ANKS1B: variants seen among roughly 807,000 people sequenced by gnomAD.
The protein encoded by ANKS1B is ankyrin repeat and sterile alpha motif domain-containing protein 1B.
Under a neutral mutation model 148.3 loss-of-function variants are expected in ANKS1B, and 36 were observed. The observed-to-expected ratio is 0.24, with a 90% CI of 0.19 to 0.32. The LOEUF is 0.32. Ranked by LOEUF, ANKS1B falls within the 10% of genes least tolerant of loss-of-function variation. ANKS1B has a pLI of 1.00. For synonymous variants in ANKS1B, 542 were observed against 560.8 expected, an observed-to-expected ratio of 0.97 and a Z score of 0.47; for missense variants, 1,157 against 1,542.6, an observed-to-expected ratio of 0.75 and a Z score of 4.19.
intron 8 of ANKS1B, among the ~76,000 whole-genome samples, chr12:99,771,094 G>C (rs1320926259): frequency 6.6e-6 from 1 of 152,040 alleles, no homozygotes; most frequent in African/African-American, 2.4e-5. Flanking sequence ...CTTCCTGAAA[G>C]ATAGAAGCTT....
intron 1 of ANKS1B, among the ~76,000 whole-genome samples, chr12:99,951,774 T>C (rs1208533977): frequency 6.6e-6 from 1 of 151,822 alleles, no homozygotes; most frequent in African/African-American, 2.4e-5. Flanking sequence ...GTCCCAACTA[T>C]AACTCAGGAG....
chr12:99,980,430 A>T lies in ANKS1B; in HGVS notation c.134+3674T>A, dbSNP rs565994756. ...GGCATCTTATCATTCCAGACTTCTT[A>T]AGCACATTATAAGTGTTCAAACAAA... On this transcript the variant is annotated intron_variant, in intron 1 of 26. Transcript: ENST00000683438. Among the ~76,000 whole-genome samples, 28 of 152,146 alleles carry T rather than the reference A, an allele frequency of 1.8e-4. No individual in the cohort carries two copies. In the East Asian group the frequency reaches 5.0e-3, roughly 27 times the overall value.
chr12:99,027,320 C>T (rs188943153), intron 17 of ANKS1B, among the ~76,000 whole-genome samples: 2 of 152,252 alleles, frequency 1.3e-5, no homozygotes, highest in East Asian at 3.9e-4. Flanking sequence ...TTTAAGCACA[C>T]AGTAAAAAAC....
chr12:99,446,580 G>T (rs957238906), intron 10 of ANKS1B, among the ~76,000 whole-genome samples: 1 of 152,014 alleles, frequency 6.6e-6, no homozygotes, highest in African/African-American at 2.4e-5. Context: ...ATTTCAGACT[G>T]ATGCCATGTT....
At chr12:99,877,656 T>C (rs2092203820) in intron 1 of ANKS1B, among the ~76,000 whole-genome samples, 1 of 152,250 alleles carries the variant, frequency 6.6e-6, no homozygotes, top group Admixed American at 6.5e-5. Context: ...ATAATTATTA[T>C]CTTCTAGTTT....
At chr12:99,321,431 C>T (rs771354677) in intron 12 of ANKS1B, among the ~76,000 whole-genome samples, 3 of 152,216 alleles carry the variant, frequency 2.0e-5, no homozygotes, top group Non-Finnish European at 4.4e-5. Context: ...AGCCTCGCTG[C>T]CGCCTTGCAG....
At chr12:99,148,732 C>T (rs1314409055) in intron 15 of ANKS1B, among the ~76,000 whole-genome samples, 2 of 152,150 alleles carry the variant, frequency 1.3e-5, no homozygotes, top group African/African-American at 4.8e-5. Flanking sequence ...CACTGTAAGG[C>T]TGTGCCTATT....
chr12:99,735,768 A>G (rs1009286219), intron 8 of ANKS1B, among the ~76,000 whole-genome samples: 8 of 146,186 alleles, frequency 5.5e-5, no homozygotes, highest in African/African-American at 2.0e-4. Context: ...CTATGAGGCT[A>G]GAATTACCCT....
chr12:99,012,170 T>C (rs2099939843), intron 17 of ANKS1B, among the ~76,000 whole-genome samples: 1 of 152,208 alleles, frequency 6.6e-6, no homozygotes, highest in Non-Finnish European at 1.5e-5. Context: ...ATGCTCAAAA[T>C]GTTCTCTAAT....
rs114414405 is a variant in ANKS1B at position 99,514,812 on chromosome 12, C to T, written c.1273-10171G>A. Among the ~76,000 whole-genome samples the T allele has an allele frequency of 6.9e-3, 1,051 of 152,080 alleles. 11 individuals are homozygous for T. Among genetic ancestry groups the T allele is most frequent in the African/African-American group, 0.024 (1,004 of 41,516 alleles). ...ATGTCCCCTTCCCTGCACTGGGAAA[C>T]GTTGACCTCAATACACAGATTAACT... On this transcript the variant is annotated intron_variant, in intron 9 of 26. Transcript: ENST00000683438.
chr12:99,178,926 A>G (rs1024636466), intron 14 of ANKS1B, among the ~76,000 whole-genome samples: 8 of 152,242 alleles, frequency 5.3e-5, no homozygotes, highest in Non-Finnish European at 8.8e-5. Flanking sequence ...ACTATCAATG[A>G]CTAATCATAA....
chr12:98,993,640 C>T (rs1021522020), intron 17 of ANKS1B, among the ~76,000 whole-genome samples: 11 of 152,044 alleles, frequency 7.2e-5, no homozygotes, highest in African/African-American at 2.4e-4. Context: ...AAGCGGCTTT[C>T]GAAAATACTC....
At chr12:99,447,558 T>C (rs1024814539) in intron 10 of ANKS1B, among the ~76,000 whole-genome samples, 9 of 152,086 alleles carry the variant, frequency 5.9e-5, no homozygotes, top group African/African-American at 2.2e-4. Flanking sequence ...CAATGATTTT[T>C]TGGCTATGAC....
rs57985878 is a variant in ANKS1B, at chr12:99,122,993, A to ATATATATATATATATATATATAT, written c.2526+31295_2526+31296insATATATATATATATATATATATA. ...TAGAAATAAATCAGTAAAATTAAAAAAAAAATATATATATATATATAAACA... is the reference window on the plus strand; with the variant it reads ...TAGAAATAAATCAGTAAAATTAAAAATATATATATATATATATATATATAAAAATATATATATATATATAAACA... On this transcript the variant is annotated intron_variant, in intron 15 of 26. Transcript: ENST00000683438. Among the ~76,000 whole-genome samples, 404 of 137,888 alleles carry ATATATATATATATATATATATAT rather than the reference A, an allele frequency of 2.9e-3. 11 individuals are homozygous for ATATATATATATATATATATATAT. Among genetic ancestry groups the ATATATATATATATATATATATAT allele is most frequent in the Admixed American group, 6.8e-3 (92 of 13,556 alleles). The allele number at this position is 137,888 out of a possible 152,430, so 90.5% of individuals were successfully genotyped here.
At chr12:99,381,242 G>A (rs188576874) in intron 12 of ANKS1B, among the ~76,000 whole-genome samples, 2 of 152,122 alleles carry the variant, frequency 1.3e-5, no homozygotes, top group Non-Finnish European at 1.5e-5. Flanking sequence ...CTTAAGAAAC[G>A]AATACAGACA....
In ANKS1B at chr12:98,773,192, A is replaced by G. The variant is rs2098613987; in HGVS notation, c.3442-13T>C. 1 of 1,597,220 alleles carries G rather than the reference A, an allele frequency of 6.3e-7. No homozygotes were observed. The highest frequency in any genetic ancestry group is 1.3e-5 in the African/African-American group (1 of 74,484). ...CAGCAATTATGTTCTGGAAGAAATG[A>G]CATAAATGATCATTGTTTTCCTCTG... is the stretch of plus-strand genomic sequence containing the variant. On this transcript the variant is annotated splice_polypyrimidine_tract_variant and intron_variant, in intron 24 of 26. Transcript: ENST00000683438.
chr12:99,186,277 G>A (rs2079843769), intron 14 of ANKS1B, among the ~76,000 whole-genome samples: 2 of 152,304 alleles, frequency 1.3e-5, no homozygotes, highest in African/African-American at 2.4e-5. Flanking sequence ...TCCTGGGACA[G>A]AGCACCTGGA....
At chr12:98,740,306 C>T (rs2097791721), downstream of ANKS1B, among the ~76,000 whole-genome samples, 1 of 152,168 alleles carries the variant, frequency 6.6e-6, no homozygotes, top group Admixed American at 6.5e-5. Flanking sequence ...AGCCAGCGCC[C>T]TCTACTCTCA....
chr12:99,340,673 A>G (rs1439596152), intron 12 of ANKS1B, among the ~76,000 whole-genome samples: 1 of 152,072 alleles, frequency 6.6e-6, no homozygotes. Flanking sequence ...CTATTTTAAC[A>G]TTATGACCCA....
Sources: gnomAD v4.1 joint callset for allele counts (sites outside exome capture counted in the v4.1 genomes callset) on GRCh38, gnomAD v4.1.1 for gene constraint, MANE v1.5 for transcripts, NCBI Gene and HGNC (gene_info 2026-07-23, HGNC 2026-07-21) for gene names.